DTWD2: variants seen among roughly 807,000 people sequenced by gnomAD.
The protein encoded by DTWD2 is DTW motif tRNA-uridine aminocarboxypropyltransferase 2.
DTWD2 carries 39 observed loss-of-function variants against 31.8 expected under a neutral mutation model. That is an observed-to-expected ratio of 1.22 (90% CI 0.95 to 1.60). The LOEUF is 1.60. Among genes scored for constraint, DTWD2 ranks in the 40% most tolerant of loss-of-function variants. The probability of loss-of-function intolerance (pLI) is 0.00; values close to 1 mark genes in which losing one functional copy is unlikely to be tolerated. For missense variants in DTWD2, 515 were observed against 381.5 expected (o/e 1.35, Z -2.92); for synonymous variants, 180 against 142.8 (o/e 1.26, Z -1.86).
chr5:118,858,118 GTTAT>G (rs1218144061), intron 4 of DTWD2, among the ~76,000 whole-genome samples: 1 of 151,640 alleles, frequency 6.6e-6, no homozygotes, highest in Non-Finnish European at 1.5e-5. Context: ...AGATTTTGTG[GTTAT>G]TTGTCACACA....
intron 2 of DTWD2, among the ~76,000 whole-genome samples, chr5:118,939,633 T>G (rs1004196222): frequency 2.0e-5 from 3 of 152,176 alleles, no homozygotes; most frequent in Non-Finnish European, 4.4e-5. Flanking sequence ...GTAATTACAT[T>G]TTGCACTATG....
chr5:118,970,234 C>T (rs1023174157), intron 1 of DTWD2, among the ~76,000 whole-genome samples: 3 of 152,204 alleles, frequency 2.0e-5, no homozygotes, highest in African/African-American at 7.2e-5. Context: ...CGAGACCAGC[C>T]TGGCCAACAT....
At chr5:118,933,042 A>G (rs1176533162) in intron 3 of DTWD2, among the ~76,000 whole-genome samples, 2 of 152,190 alleles carry the variant, frequency 1.3e-5, no homozygotes, top group Non-Finnish European at 2.9e-5. Context: ...CAAAAAACTC[A>G]ATGCCCACAA....
chr5:118,885,663 G>C (rs1159792200), intron 4 of DTWD2, among the ~76,000 whole-genome samples: 3 of 151,470 alleles, frequency 2.0e-5, no homozygotes, highest in African/African-American at 4.9e-5. Flanking sequence ...TACTCGGGAG[G>C]CTGTGGGCAG....
intron 4 of DTWD2, among the ~76,000 whole-genome samples, chr5:118,869,910 G>A (rs953598574): frequency 1.3e-5 from 2 of 152,180 alleles, no homozygotes; most frequent in African/African-American, 4.8e-5. Flanking sequence ...GATACCTCAT[G>A]AAAAGCTTAG....
intron 1 of DTWD2, among the ~76,000 whole-genome samples, chr5:118,957,985 A>C (rs1253305194): frequency 6.6e-6 from 1 of 152,134 alleles, no homozygotes; most frequent in Non-Finnish European, 1.5e-5. Context: ...AGTGTGTGTA[A>C]TTAGAGAAAA....
intron 4 of DTWD2, among the ~76,000 whole-genome samples, chr5:118,862,225 C>A (rs112397822): frequency 1.3e-5 from 2 of 152,192 alleles, no homozygotes; most frequent in Non-Finnish European, 2.9e-5. Context: ...CCAAAACCAT[C>A]GCTCCATTCG....
intron 4 of DTWD2, among the ~76,000 whole-genome samples, chr5:118,892,630 C>CA (rs1752999288): frequency 1.3e-5 from 2 of 152,076 alleles, no homozygotes; most frequent in East Asian, 1.9e-4. Context: ...GTCCAATCGA[C>CA]AAAAAACATT....
In DTWD2 at chr5:118,928,539, G is replaced by A. The variant is rs1484198733; in HGVS notation, c.595C>T (p.Gln199Ter). Residue 199 changes from glutamine to a stop codon, truncating the protein, a stop_gained and splice_region_variant, in exon 4 of 6, where the codon CAG (glutamine) becomes TAG (stop). Coordinates refer to ENST00000510708, the MANE Select transcript of DTWD2 (RefSeq NM_173666.4). LOFTEE classifies it high-confidence loss of function. ...YKNSLFRHPK[Q>*]VQLKTSISSQ... ...CTCTGTTAAAATTACTAGTTTACCTGTTTGGGATGTCGGAACAAGGAGTTC... is the reference window on the plus strand; with the variant it reads ...CTCTGTTAAAATTACTAGTTTACCTATTTGGGATGTCGGAACAAGGAGTTC... The A allele has an allele frequency of 6.7e-7, 1 of 1,500,096 alleles. No individual in the cohort carries two copies. The highest frequency in any genetic ancestry group is 8.9e-7 in the Non-Finnish European group (1 of 1,127,028). 92.9% of individuals were successfully genotyped at this position (1,500,096 alleles called of 1,614,324 possible). A position where few individuals can be genotyped will look rare whatever the true frequency, so the allele number is the denominator to read the frequency against.
At chr5:118,925,720 C>G (rs1031929628) in intron 4 of DTWD2, among the ~76,000 whole-genome samples, 9 of 152,002 alleles carry the variant, frequency 5.9e-5, no homozygotes, top group Admixed American at 2.6e-4. Flanking sequence ...TGGCGGGTAC[C>G]TGTAGTCCCA....
intron 1 of DTWD2, among the ~76,000 whole-genome samples, chr5:118,945,750 G>C (rs1239717452): frequency 1.5e-5 from 2 of 136,728 alleles, no homozygotes; most frequent in Non-Finnish European, 3.0e-5. Context: ...GGGCGACAGA[G>C]CGAGACTCCA....
At chr5:118,903,924 A>G (rs1039530210) in intron 4 of DTWD2, among the ~76,000 whole-genome samples, 1 of 152,096 alleles carries the variant, frequency 6.6e-6, no homozygotes, top group East Asian at 1.9e-4. Flanking sequence ...TTTTACATAT[A>G]TATTAGTATG....
intron 4 of DTWD2, among the ~76,000 whole-genome samples, chr5:118,874,132 G>T (rs1318776155): frequency 6.6e-6 from 1 of 152,140 alleles, no homozygotes; most frequent in Non-Finnish European, 1.5e-5. Context: ...CCAGTCGACT[G>T]AATCCACCTT....
intron 4 of DTWD2, among the ~76,000 whole-genome samples, chr5:118,928,250 A>T (rs1248308797): frequency 6.6e-6 from 1 of 152,046 alleles, no homozygotes; most frequent in Non-Finnish European, 1.5e-5. Context: ...GACTTCTCTG[A>T]TTAAATGTCT....
intron 1 of DTWD2, among the ~76,000 whole-genome samples, chr5:118,987,106 GATTTAT>G (rs1370289438): frequency 1.3e-5 from 2 of 152,054 alleles, no homozygotes; most frequent in Non-Finnish European, 2.9e-5. Flanking sequence ...TTTAGCCTTT[GATTTAT>G]ATTTGAAACA....
chr5:118,934,411 TACATGAAA>T (rs976584289), intron 3 of DTWD2, among the ~76,000 whole-genome samples: 1 of 145,166 alleles, frequency 6.9e-6, no homozygotes, highest in Non-Finnish European at 1.5e-5. Context: ...AAAAGTAAAA[TACATGAAA>T]ACAATAACAC....
At chr5:118,878,169 T>C (rs1752662861) in intron 4 of DTWD2, among the ~76,000 whole-genome samples, 1 of 152,126 alleles carries the variant, frequency 6.6e-6, no homozygotes, top group Admixed American at 6.5e-5. Flanking sequence ...TAATTTAAAG[T>C]GCATATGGAA....
At chr5:118,842,111 T>G (rs1008423644) in intron 5 of DTWD2, among the ~76,000 whole-genome samples, 1 of 152,186 alleles carries the variant, frequency 6.6e-6, no homozygotes, top group South Asian at 2.1e-4. Flanking sequence ...GGGAGGCTGA[T>G]GCACAACATA....
chr5:118,958,421 A>G lies in DTWD2; in HGVS notation c.219-13772T>C, dbSNP rs922940890. Reference sequence around the variant, plus strand: ...TGCAGTGAGCCGGGATCACGCCACTACACTCCAGCCAGGGCAACAAAGCAA... The same window carrying G: ...TGCAGTGAGCCGGGATCACGCCACTGCACTCCAGCCAGGGCAACAAAGCAA... On this transcript the variant is annotated intron_variant, in intron 1 of 5. Transcript: ENST00000510708. Among the ~76,000 whole-genome samples the G allele has an allele frequency of 2.6e-5, 4 of 151,960 alleles. No homozygotes were observed. In the South Asian group the frequency reaches 6.2e-4, roughly 24 times the overall value.
Sources: allele counts gnomAD v4.1 joint callset (sites outside exome capture counted in the v4.1 genomes callset), GRCh38; gene constraint gnomAD v4.1.1; transcripts MANE v1.5; gene names NCBI Gene and HGNC (gene_info 2026-07-23, HGNC 2026-07-21).